Variants in COL11A1 observed in about 807,000 individuals in gnomAD.
COL11A1 encodes collagen alpha-1(XI) chain.
In COL11A1, 74 loss-of-function variants were observed where a neutral mutation model predicts 265.2. That is an observed-to-expected ratio of 0.28 (90% CI 0.23 to 0.34). The LOEUF (loss-of-function observed/expected upper bound fraction) is 0.34, where lower values mean the gene tolerates loss of function less well. Ranked by LOEUF, COL11A1 falls within the 10% of genes least tolerant of loss-of-function variation. The pLI, the probability that COL11A1 is intolerant of heterozygous loss-of-function variation, is 1.00. For missense variants in COL11A1, 2,165 were observed against 2,263.6 expected, an observed-to-expected ratio of 0.96 and a Z score of 0.88; for synonymous variants, 816 against 727.6, an observed-to-expected ratio of 1.12 and a Z score of -1.96.
intron 4 of COL11A1, among the ~76,000 whole-genome samples, chr1:103,073,604 A>G (rs1671745499): frequency 6.6e-6 from 1 of 151,844 alleles, no homozygotes; most frequent in Non-Finnish European, 1.5e-5. Flanking sequence ...ACACTAGTGG[A>G]TAAAAGTCAG....
chr1:103,092,667 A>T (rs1673420152), intron 1 of COL11A1, among the ~76,000 whole-genome samples: 1 of 152,144 alleles, frequency 6.6e-6, no homozygotes, highest in Admixed American at 6.6e-5. Context: ...CTTAAATATC[A>T]TTTCCACATG....
At chr1:102,958,475 C>T (rs1475032202) in intron 41 of COL11A1, among the ~76,000 whole-genome samples, 1 of 152,020 alleles carries the variant, frequency 6.6e-6, no homozygotes, top group Non-Finnish European at 1.5e-5. Flanking sequence ...TTAAAAAATT[C>T]AAAATCAAAT....
At chr1:103,088,279 C>T (rs1673033960) in intron 1 of COL11A1, among the ~76,000 whole-genome samples, 1 of 152,146 alleles carries the variant, frequency 6.6e-6, no homozygotes, top group Non-Finnish European at 1.5e-5. Flanking sequence ...GGACAGATTA[C>T]TTAATTACTC....
intron 44 of COL11A1, among the ~76,000 whole-genome samples, chr1:102,937,462 A>C (rs181745115): frequency 3.3e-5 from 5 of 152,188 alleles, no homozygotes; most frequent in Non-Finnish European, 7.3e-5. Context: ...ACTAAAACTC[A>C]TGTTGAAATT....
chr1:102,915,593 C>A (rs1655243278), intron 50 of COL11A1, 38 bp downstream of exon 50: 1 of 1,578,050 alleles, frequency 6.3e-7, no homozygotes. Context: ...AATTCCCAAA[C>A]CAATAATACA....
At chr1:102,892,445 G>A (rs184720127) in intron 57 of COL11A1, among the ~76,000 whole-genome samples, 5 of 152,192 alleles carry the variant, frequency 3.3e-5, no homozygotes, top group African/African-American at 1.2e-4. Flanking sequence ...GCAGTATGAT[G>A]TACTAGGAAA....
At chr1:103,059,345 ATC>A (rs2102187236) in intron 4 of COL11A1, among the ~76,000 whole-genome samples, 1 of 152,212 alleles carries the variant, frequency 6.6e-6, no homozygotes, top group South Asian at 2.1e-4. Context: ...GCTCACCAAA[ATC>A]TGAGACCTAA....
At chr1:103,019,385 A>C (rs1666812994) in intron 9 of COL11A1, among the ~76,000 whole-genome samples, 1 of 152,156 alleles carries the variant, frequency 6.6e-6, no homozygotes, top group African/African-American at 2.4e-5. Context: ...ATAAGAACTC[A>C]GTTCTAAAAC....
chr1:103,063,865 A>G (rs943902977), intron 4 of COL11A1, among the ~76,000 whole-genome samples: 16 of 152,230 alleles, frequency 1.1e-4, no homozygotes, highest in African/African-American at 3.6e-4. Flanking sequence ...AACAATAAAA[A>G]AGCTAACAAT....
chr1:103,071,065 T>G (rs1671546236), intron 4 of COL11A1, among the ~76,000 whole-genome samples: 1 of 151,960 alleles, frequency 6.6e-6, no homozygotes. Flanking sequence ...CACAGAAAAT[T>G]GAATTCAAAA....
intron 1 of COL11A1, among the ~76,000 whole-genome samples, chr1:103,085,591 C>T (rs1672787743): frequency 6.6e-6 from 1 of 151,960 alleles, no homozygotes; most frequent in African/African-American, 2.4e-5. Flanking sequence ...TATTTGAGGA[C>T]CTGCTTGACT....
intron 65 of COL11A1, among the ~76,000 whole-genome samples, 186 bp downstream of exon 65, chr1:102,881,510 CA>C: frequency 6.6e-6 from 1 of 152,096 alleles, no homozygotes; most frequent in Non-Finnish European, 1.5e-5. Flanking sequence ...TACTTTTATA[CA>C]AAAATGTTAG....
At chr1:103,020,027 T>C (rs1423578390) in intron 9 of COL11A1, among the ~76,000 whole-genome samples, 1 of 147,730 alleles carries the variant, frequency 6.8e-6, no homozygotes, top group Non-Finnish European at 1.5e-5. Flanking sequence ...TTTGCTATTG[T>C]GAATAATGCC....
intron 46 of COL11A1, among the ~76,000 whole-genome samples, chr1:102,930,152 G>T (rs1035144446): frequency 6.6e-6 from 1 of 152,080 alleles, no homozygotes; most frequent in Non-Finnish European, 1.5e-5. Context: ...GTGAGAGAAG[G>T]CATCCCTGTC....
At chr1:103,032,679 C>A (rs184296212) in intron 4 of COL11A1, among the ~76,000 whole-genome samples, 208 of 152,176 alleles carry the variant, frequency 1.4e-3, no homozygotes, top group Non-Finnish European at 2.2e-3. Context: ...ACTGTGGTTA[C>A]TACCTGTGGT....
At chr1:102,931,616 G>A (rs1269025339) in intron 46 of COL11A1, among the ~76,000 whole-genome samples, 1 of 151,914 alleles carries the variant, frequency 6.6e-6, no homozygotes, top group East Asian at 1.9e-4. Context: ...GGTCCACTTG[G>A]TGCAGAGCTG....
Position 102,904,991 on chromosome 1 carries a change from A to T in COL11A1, c.4087-5997T>A, listed in dbSNP as rs560727503. On this transcript the variant is annotated intron_variant, in intron 54 of 66. Transcript: ENST00000370096. Reference sequence around the variant, plus strand: ...ACCAACCTAAATGTCTGACAACAATAGACTGGATTAAGAAAATGTGGTACA... The same window carrying T: ...ACCAACCTAAATGTCTGACAACAATTGACTGGATTAAGAAAATGTGGTACA... Among the ~76,000 whole-genome samples, 222 of 152,168 alleles carry T rather than the reference A, an allele frequency of 1.5e-3. 1 individual carries two copies. The highest frequency in any genetic ancestry group is 5.0e-3 in the African/African-American group (209 of 41,512).
rs78438559 is a variant in COL11A1 at position 103,026,521 on chromosome 1, G to A, written c.781-189C>T. Among the ~76,000 whole-genome samples the A allele has an allele frequency of 0.079, 12,043 of 152,136 alleles. 531 individuals carry two copies. Among genetic ancestry groups the A allele is most frequent in the Middle Eastern group, 0.15 (43 of 294 alleles). ...ATACAGAGTATAATAACATAGGAGTGACAAAGCACATTTCCTATGAGCAGA... is the reference window on the plus strand; with the variant it reads ...ATACAGAGTATAATAACATAGGAGTAACAAAGCACATTTCCTATGAGCAGA... On this transcript the variant is annotated intron_variant, in intron 5 of 66. Coordinates refer to ENST00000370096, the MANE Select transcript of COL11A1 (RefSeq NM_001854.4).
At chr1:102,883,809 A>T (rs1490680728) in intron 63 of COL11A1, among the ~76,000 whole-genome samples, 2 of 101,470 alleles carry the variant, frequency 2.0e-5, no homozygotes, top group African/African-American at 7.5e-5. Flanking sequence ...CTTATTTTAT[A>T]AAAAAAAAAA....
Sources: gnomAD v4.1 joint callset for allele counts (sites outside exome capture counted in the v4.1 genomes callset) on GRCh38, gnomAD v4.1.1 for gene constraint, MANE v1.5 for transcripts, NCBI Gene and HGNC (gene_info 2026-07-23, HGNC 2026-07-21) for gene names.